Variants in ARB2A observed in about 807,000 individuals in gnomAD.
The protein encoded by ARB2A is ARB2 cotranscriptional regulator A, also known as cotranscriptional regulator ARB2A.
At chr5:94,106,003 C>T in the ARB2A span, among the ~76,000 whole-genome samples, 1 of 151,810 alleles carries the variant, frequency 6.6e-6, no homozygotes, top group Non-Finnish European at 1.5e-5. Flanking sequence ...TAAAGACTTA[C>T]ATGTAAAGCC....
At chr5:93,632,075 G>A in the ARB2A span, among the ~76,000 whole-genome samples, 5 of 152,116 alleles carry the variant, frequency 3.3e-5, no homozygotes, top group South Asian at 2.1e-4. Flanking sequence ...GGTACTGGGG[G>A]TGCAGTGGTG....
At chr5:94,085,948 T>A in the ARB2A span, among the ~76,000 whole-genome samples, 4 of 152,296 alleles carry the variant, frequency 2.6e-5, no homozygotes, top group Middle Eastern at 0.01. Context: ...TATCACAAAT[T>A]GTGATAAAAC....
At chr5:93,947,637 G>A in the ARB2A span, among the ~76,000 whole-genome samples, 1 of 147,990 alleles carries the variant, frequency 6.8e-6, no homozygotes, top group Non-Finnish European at 1.5e-5. Context: ...TTTAGCATTA[G>A]GTATATCTCC....
At chr5:94,094,312 C>T in the ARB2A span, among the ~76,000 whole-genome samples, 1 of 152,152 alleles carries the variant, frequency 6.6e-6, no homozygotes, top group Non-Finnish European at 1.5e-5. Flanking sequence ...CTCACCATGT[C>T]CTTACATGGT....
At chr5:93,691,876 C>T in the ARB2A span, among the ~76,000 whole-genome samples, 922 of 152,242 alleles carry the variant, frequency 6.1e-3, 6 homozygotes, top group Non-Finnish European at 0.01. Context: ...ATATTCAACA[C>T]TCTTAAATGA....
the ARB2A span, among the ~76,000 whole-genome samples, chr5:93,684,740 T>C: frequency 8.4e-4 from 128 of 152,206 alleles, no homozygotes; most frequent in African/African-American, 3.0e-3. Flanking sequence ...TTTGAATTTC[T>C]GGTATATGTA....
At chr5:93,813,870 C>A in the ARB2A span, among the ~76,000 whole-genome samples, 2 of 152,152 alleles carry the variant, frequency 1.3e-5, no homozygotes, top group Admixed American at 6.5e-5. Flanking sequence ...ATGAGCCTTA[C>A]CTTAACTTAA....
the ARB2A span, among the ~76,000 whole-genome samples, chr5:94,006,372 G>A: frequency 6.6e-6 from 1 of 152,136 alleles, no homozygotes; most frequent in African/African-American, 2.4e-5. Context: ...AGAGGTTTAG[G>A]GGAGGGTTGG....
chr5:93,818,511 G>A, the ARB2A span, among the ~76,000 whole-genome samples: 2 of 152,076 alleles, frequency 1.3e-5, no homozygotes, highest in African/African-American at 2.4e-5. Context: ...ACAAGCGAAC[G>A]TAAGCTAATT....
At chr5:93,855,159 A>G in the ARB2A span, among the ~76,000 whole-genome samples, 1 of 152,172 alleles carries the variant, frequency 6.6e-6, no homozygotes, top group African/African-American at 2.4e-5. Context: ...GGGTGCATAT[A>G]TATTTAGGAT....
chr5:93,774,205 CTAT>C, the ARB2A span, among the ~76,000 whole-genome samples: 1 of 152,206 alleles, frequency 6.6e-6, no homozygotes, highest in Non-Finnish European at 1.5e-5. Flanking sequence ...TCTCCTGTCC[CTAT>C]CCCTCTCCTG....
chr5:93,983,152 T>C, the ARB2A span, among the ~76,000 whole-genome samples: 5 of 150,334 alleles, frequency 3.3e-5, no homozygotes, highest in East Asian at 2.0e-4. Context: ...ATCATTATGT[T>C]GTTTATGGCT....
At chr5:93,907,743 C>G in the ARB2A span, among the ~76,000 whole-genome samples, 1 of 151,268 alleles carries the variant, frequency 6.6e-6, no homozygotes, top group Non-Finnish European at 1.5e-5. Context: ...TTAAAACTTG[C>G]TGATTGTCAT....
chr5:93,935,395 G>A, the ARB2A span, among the ~76,000 whole-genome samples: 1 of 152,126 alleles, frequency 6.6e-6, no homozygotes, highest in Non-Finnish European at 1.5e-5. Context: ...TAGATTTTGG[G>A]GGCCAATAAT....
chr5:93,872,398 G>A, the ARB2A span, among the ~76,000 whole-genome samples: 1 of 152,126 alleles, frequency 6.6e-6, no homozygotes, highest in Non-Finnish European at 1.5e-5. Flanking sequence ...TAAGATTACA[G>A]TATGTATTTG....
the ARB2A span, among the ~76,000 whole-genome samples, chr5:93,965,832 T>C: frequency 1.3e-5 from 2 of 152,102 alleles, no homozygotes; most frequent in South Asian, 4.1e-4. Context: ...TTTATCCTGC[T>C]TTCTTCAAGG....
At chr5:93,664,750 C>A in the ARB2A span, among the ~76,000 whole-genome samples, 3 of 151,930 alleles carry the variant, frequency 2.0e-5, no homozygotes, top group Admixed American at 2.0e-4. Flanking sequence ...ATTAGCTCTA[C>A]ACTTACGACA....
chr5:93,926,988 T>C, the ARB2A span, among the ~76,000 whole-genome samples: 1 of 150,672 alleles, frequency 6.6e-6, no homozygotes, highest in East Asian at 2.0e-4. Flanking sequence ...ATTTAGGTCA[T>C]TGAGAGAAAA....
At chr5:93,904,315 G>GT in the ARB2A span, among the ~76,000 whole-genome samples, 1 of 151,820 alleles carries the variant, frequency 6.6e-6, no homozygotes, top group East Asian at 1.9e-4. Context: ...TATCTTTTAA[G>GT]TAGACTAGAT....
Sources: gnomAD v4.1 joint callset for allele counts (sites outside exome capture counted in the v4.1 genomes callset) on GRCh38, gnomAD v4.1.1 for gene constraint, MANE v1.5 for transcripts, NCBI Gene and HGNC (gene_info 2026-07-23, HGNC 2026-07-21) for gene names.